ANKS1B: variants seen among roughly 807,000 people sequenced by gnomAD.
ANKS1B encodes the protein ankyrin repeat and sterile alpha motif domain containing 1B.
ANKS1B carries 36 observed loss-of-function variants against 148.3 expected under a neutral mutation model. The ratio of observed to expected loss-of-function variants is 0.24; its 90% CI spans 0.19 to 0.32. ANKS1B has a LOEUF of 0.32. ANKS1B is among the 10% of genes least tolerant of loss of function. The pLI, the probability that ANKS1B is intolerant of heterozygous loss-of-function variation, is 1.00. For missense variants in ANKS1B, 1,157 were observed against 1,542.6 expected, an observed-to-expected ratio of 0.75 and a Z score of 4.19; for synonymous variants, 542 against 560.8, an observed-to-expected ratio of 0.97 and a Z score of 0.47.
At chr12:99,650,431 T>A (rs898646445) in intron 9 of ANKS1B, among the ~76,000 whole-genome samples, 1 of 152,204 alleles carries the variant, frequency 6.6e-6, no homozygotes, top group East Asian at 1.9e-4. Flanking sequence ...TAGTAGGCAC[T>A]GTGTAAATGG....
At chr12:98,792,148 A>G (rs2153558768) in intron 22 of ANKS1B, among the ~76,000 whole-genome samples, 1 of 152,328 alleles carries the variant, frequency 6.6e-6, no homozygotes, top group Middle Eastern at 3.4e-3. Flanking sequence ...AAACTATCCA[A>G]ATCCTTTGGG....
chr12:99,098,563 G>A (rs1314050828), intron 15 of ANKS1B, among the ~76,000 whole-genome samples: 3 of 130,224 alleles, frequency 2.3e-5, no homozygotes, highest in Admixed American at 8.9e-5. Flanking sequence ...TTATGAAGTT[G>A]CTTTATAAAC....
At chr12:99,291,081 C>T (rs1014063503) in intron 12 of ANKS1B, among the ~76,000 whole-genome samples, 1 of 152,076 alleles carries the variant, frequency 6.6e-6, no homozygotes, top group African/African-American at 2.4e-5. Context: ...TAATCAATAG[C>T]ATTTCTATAT....
chr12:98,975,968 A>T (rs2099894820), intron 17 of ANKS1B, among the ~76,000 whole-genome samples: 1 of 152,236 alleles, frequency 6.6e-6, no homozygotes, highest in East Asian at 1.9e-4. Context: ...ATCTACCCCA[A>T]TTCCAAAGCA....
At position 98,780,959 on chromosome 12, in the gene ANKS1B, A is replaced by G. The variant is rs1473120006; in HGVS notation, c.3441+158T>C. ...TGAAGGTGTGTATGTGTGTGTGTACATGAGCGTGTATCTATAGGTATATGT... is the reference window on the plus strand; with the variant it reads ...TGAAGGTGTGTATGTGTGTGTGTACGTGAGCGTGTATCTATAGGTATATGT... On this transcript the variant is annotated intron_variant, in intron 24 of 26. Coordinates refer to ENST00000683438, the MANE Select transcript of ANKS1B (RefSeq NM_001352186.2). 2.0e-5 allele frequency among the ~76,000 whole-genome samples: 3 copies of G among 152,106 alleles called. No homozygotes were observed. In the East Asian group the frequency reaches 5.8e-4, roughly 29 times the overall value.
At chr12:99,193,479 T>C (rs75189892) in intron 14 of ANKS1B, among the ~76,000 whole-genome samples, 1,880 of 152,326 alleles carry the variant, frequency 0.012, 16 homozygotes, top group Middle Eastern at 0.024. Context: ...CTGTTCATTC[T>C]TCATTAAACT....
chr12:99,423,539 G>A (rs1050557002), intron 11 of ANKS1B, among the ~76,000 whole-genome samples: 3 of 152,080 alleles, frequency 2.0e-5, no homozygotes, highest in East Asian at 1.9e-4. Context: ...GCACTTGCAC[G>A]TTCACTGCAG....
chr12:98,822,620 C>G (rs778391362), intron 19 of ANKS1B, among the ~76,000 whole-genome samples: 7 of 151,992 alleles, frequency 4.6e-5, no homozygotes, highest in Admixed American at 1.3e-4. Flanking sequence ...TCTTCTTTTT[C>G]TTTTTTTAAA....
intron 8 of ANKS1B, among the ~76,000 whole-genome samples, chr12:99,694,566 T>C (rs1213344758): frequency 6.6e-6 from 1 of 151,636 alleles, no homozygotes; most frequent in East Asian, 1.9e-4. Context: ...AAAAGATAAA[T>C]AAAACCTCAG....
At chr12:98,759,457 C>T (rs544898422) in intron 25 of ANKS1B, among the ~76,000 whole-genome samples, 1 of 152,230 alleles carries the variant, frequency 6.6e-6, no homozygotes, top group East Asian at 1.9e-4. Context: ...CGCTGTCCTC[C>T]CGCATCCTTG....
chr12:99,225,214 AC>A (rs1019185960), intron 14 of ANKS1B, among the ~76,000 whole-genome samples: 1 of 152,122 alleles, frequency 6.6e-6, no homozygotes, highest in Non-Finnish European at 1.5e-5. Context: ...TTATAAAATG[AC>A]CCATGGGGAA....
At chr12:99,973,732 T>C (rs1179937518) in intron 1 of ANKS1B, among the ~76,000 whole-genome samples, 1 of 152,130 alleles carries the variant, frequency 6.6e-6, no homozygotes, top group East Asian at 1.9e-4. Context: ...AAATAGCAAG[T>C]GAAATAGAAG....
intron 8 of ANKS1B, among the ~76,000 whole-genome samples, chr12:99,727,043 G>A (rs1017256346): frequency 1.3e-5 from 2 of 151,992 alleles, no homozygotes; most frequent in African/African-American, 2.4e-5. Flanking sequence ...ATATTGAATG[G>A]GCAAAAGCTG....
At position 98,751,309 on chromosome 12, in the gene ANKS1B, C is replaced by T. The variant is rs1167210403; in HGVS notation, c.3747+46G>A. ...AAGGGCCTGGTTAGCAGCCCCTTTTCCTCCTGTTCAAGGTTTTTTAGAACA... is the reference window on the plus strand; with the variant it reads ...AAGGGCCTGGTTAGCAGCCCCTTTTTCTCCTGTTCAAGGTTTTTTAGAACA... On this transcript the variant is annotated intron_variant, in intron 26 of 26. Coordinates refer to ENST00000683438, the MANE Select transcript of ANKS1B (RefSeq NM_001352186.2). The surrounding 1 kb of genome is among the most constrained non-coding windows in gnomAD (Gnocchi z 4.3). The T allele has an allele frequency of 2.5e-6, 4 of 1,592,210 alleles. No individual in the cohort carries two copies. The highest frequency in any genetic ancestry group is 3.4e-6 in the Non-Finnish European group (4 of 1,168,036).
intron 17 of ANKS1B, among the ~76,000 whole-genome samples, chr12:98,980,849 AC>A (rs2099909073): frequency 6.6e-6 from 1 of 151,996 alleles, no homozygotes; most frequent in Admixed American, 6.6e-5. Flanking sequence ...GTTTTGGGTT[AC>A]CCTTCCCTCT....
chr12:99,645,132 C>T (rs2098348190), intron 9 of ANKS1B, among the ~76,000 whole-genome samples: 1 of 152,216 alleles, frequency 6.6e-6, no homozygotes. Flanking sequence ...CTGTAAACCA[C>T]AGCCATGTTC....
intron 1 of ANKS1B, among the ~76,000 whole-genome samples, chr12:99,947,225 G>A (rs2095086770): frequency 6.7e-6 from 1 of 149,056 alleles, no homozygotes. Flanking sequence ...AAAAGCACTG[G>A]GGAGGGGGAT....
In ANKS1B at chr12:98,773,142, C is replaced by T. The variant is rs2032311937; in HGVS notation, c.3479G>A (p.Cys1160Tyr). Residue 1160 changes from cysteine to tyrosine, a missense_variant, in exon 25 of 27, where the codon TGT becomes TAT. Cys to Tyr is a radical substitution (Grantham distance 194). Around this residue, in one of 6 missense-constraint regions of ANKS1B, gnomAD observed 258 missense variants for 497.0 expected, o/e 0.52. Transcript: ENST00000683438. Reference protein sequence around the residue: ...IAEHEIRNISCAAQDPEDLST... With the variant: ...IAEHEIRNISYAAQDPEDLST... ...GAGGTCTTCTGGGTCCTGGGCAGCA[C>T]AGGAGATATTACGAATTTCATGCTC... 1.2e-6 allele frequency: 2 copies of T among 1,610,904 alleles called. No homozygotes were observed. Among genetic ancestry groups the T allele is most frequent in the Admixed American group, 1.7e-5 (1 of 59,244 alleles).
chr12:99,206,478 A>G (rs886801122), intron 14 of ANKS1B, among the ~76,000 whole-genome samples: 5 of 141,640 alleles, frequency 3.5e-5, no homozygotes, highest in African/African-American at 9.9e-5. Flanking sequence ...AAAGATTTCA[A>G]AAAAAAAATT....
Sources: gnomAD v4.1 joint callset for allele counts (sites outside exome capture counted in the v4.1 genomes callset) on GRCh38, gnomAD v4.1.1 for gene constraint, gnomAD v4.1.1 regional missense constraint, Gnocchi (gnomAD v3.1) non-coding constraint, MANE v1.5 for transcripts, NCBI Gene and HGNC (gene_info 2026-07-23, HGNC 2026-07-21) for gene names.